The following MAS1 variants were observed in gnomAD, a reference collection of about 807,000 sequenced individuals.
MAS1 encodes the protein proto-oncogene Mas.
For missense variants in MAS1, 387 were observed against 409.7 expected (o/e 0.94, Z 0.48); for synonymous variants, 163 against 164.2 (o/e 0.99, Z 0.05).
intron 1 of MAS1, among the ~76,000 whole-genome samples, chr6:159,895,667 G>A (rs1397175469): frequency 6.6e-6 from 1 of 151,932 alleles, no homozygotes; most frequent in African/African-American, 2.4e-5. Context: ...ATTAAAACAA[G>A]GTATCTTTTA....
intron 2 of MAS1, among the ~76,000 whole-genome samples, chr6:159,899,624 A>C (rs1782799502): frequency 1.3e-5 from 2 of 152,346 alleles, no homozygotes; most frequent in South Asian, 2.1e-4. Flanking sequence ...CTGTAGTCCC[A>C]GCTACTCAGG....
At chr6:159,893,081 C>A (rs898712144) in intron 1 of MAS1, among the ~76,000 whole-genome samples, 1 of 152,220 alleles carries the variant, frequency 6.6e-6, no homozygotes, top group African/African-American at 2.4e-5. Flanking sequence ...CCCCTCTTCT[C>A]AAAAGTCTCT....
At chr6:159,894,166 C>A (rs993961584) in intron 1 of MAS1, among the ~76,000 whole-genome samples, 1 of 152,060 alleles carries the variant, frequency 6.6e-6, no homozygotes, top group African/African-American at 2.4e-5. Context: ...TGAACAAGAC[C>A]ACCCAAGGAG....
chr6:159,910,504 C>T lies in MAS1; in HGVS notation c.*2571C>T, dbSNP rs1782953312. ...CCTCAGCACTCATCATGCCATATAT[C>T]GATTTGCTTATTTGCTCGTTCTCTG... On this transcript the variant is annotated 3_prime_UTR_variant, in exon 3 of 3. Transcript: ENST00000674077. The T allele has an allele frequency of 1.3e-5, 2 of 152,268 alleles. No homozygotes were observed. The highest frequency in any genetic ancestry group is 4.8e-5 in the African/African-American group (2 of 41,454). The allele number at this position is 152,268 out of a possible 1,614,324, so 9.4% of individuals were successfully genotyped here. A position where few individuals can be genotyped will look rare whatever the true frequency, so the allele number is the denominator to read the frequency against.
In MAS1 at chr6:159,907,726, C is replaced by A. The variant is rs1180416454; in HGVS notation, c.771C>A (p.Thr257=). ...LYLLYYEYWS[T]FGNLHHISLL... The stretch of plus-strand genomic sequence containing the variant: ...TGCTGTACTATGAGTATTGGTCGAC[C>A]TTTGGGAACCTACACCACATTTCCC... Residue 257 remains threonine (T), a synonymous_variant, in exon 3 of 3, where the codon ACC becomes ACA. Coordinates refer to ENST00000674077, the MANE Select transcript of MAS1 (RefSeq NM_002377.4). 11 of 1,613,472 alleles carry A rather than the reference C, an allele frequency of 6.8e-6. No individual in the cohort carries two copies. The highest frequency in any genetic ancestry group is 9.3e-6 in the Non-Finnish European group (11 of 1,179,928).
upstream of MAS1, among the ~76,000 whole-genome samples, chr6:159,890,249 C>A (rs887466154): frequency 6.6e-6 from 1 of 152,042 alleles, no homozygotes; most frequent in African/African-American, 2.4e-5. Context: ...CCTAACCAAA[C>A]AACAACAACA....
At chr6:159,893,438 G>C (rs760704837) in intron 1 of MAS1, among the ~76,000 whole-genome samples, 2 of 152,184 alleles carry the variant, frequency 1.3e-5, no homozygotes, top group Non-Finnish European at 2.9e-5. Context: ...GCCCAACAAA[G>C]TGAGGAGGGC....
Position 159,908,029 on chromosome 6 carries a change from A to C in MAS1, c.*96A>C. 7.4e-7 allele frequency: 1 copy of C among 1,356,274 alleles called. No homozygotes were observed. Among genetic ancestry groups the C allele is most frequent in the Non-Finnish European group, 1.0e-6 (1 of 998,126 alleles). 84.0% of individuals were successfully genotyped at this position (1,356,274 alleles called of 1,614,324 possible). A position where few individuals can be genotyped will look rare whatever the true frequency, so the allele number is the denominator to read the frequency against. On this transcript the variant is annotated 3_prime_UTR_variant, in exon 3 of 3. Coordinates refer to ENST00000674077, the MANE Select transcript of MAS1 (RefSeq NM_002377.4). ...CTTAAGTATCTCCTAAATGTGATAC[A>C]GAAGAACATCTCATCCCATATGCAT...
At chr6:159,906,102 T>C (rs151149709) in intron 2 of MAS1, among the ~76,000 whole-genome samples, 4,401 of 152,204 alleles carry the variant, frequency 0.029, 169 homozygotes, top group Admixed American at 0.12. Flanking sequence ...CAAAGAACAA[T>C]GTTTTACTAC....
chr6:159,893,118 C>T (rs1345402908), intron 1 of MAS1, among the ~76,000 whole-genome samples: 1 of 152,252 alleles, frequency 6.6e-6, no homozygotes, highest in Non-Finnish European at 1.5e-5. Context: ...ATACTGCCCA[C>T]AATTCTTTGA....
In MAS1 at chr6:159,904,917, T is replaced by C. The variant is rs182255883; in HGVS notation, c.-36-2003T>C. ...CTGTTTCTTTTGCCTGGAATACTTT[T>C]CCCCCAAGAACCTGCTGGCCTCGGT... is the stretch of plus-strand genomic sequence containing the variant. On this transcript the variant is annotated intron_variant, in intron 2 of 2. Coordinates refer to ENST00000674077, the MANE Select transcript of MAS1 (RefSeq NM_002377.4). 8.8e-3 allele frequency among the ~76,000 whole-genome samples: 1,335 copies of C among 152,252 alleles called. 15 individuals carry two copies. The highest frequency in any genetic ancestry group is 0.011 in the South Asian group (54 of 4,828).
Position 159,907,299 on chromosome 6 carries a change from G to A in MAS1, c.344G>A (p.Gly115Asp), listed in dbSNP as rs149942969. Reference sequence around the variant, plus strand: ...ACATTATCAGTGACTTTTCTGTTTGGCTACAACACGGGCCTCTATCTGCTG... The same window carrying A: ...ACATTATCAGTGACTTTTCTGTTTGACTACAACACGGGCCTCTATCTGCTG... ...IVTLSVTFLFGYNTGLYLLTA... is the reference protein window; with the variant it reads ...IVTLSVTFLFDYNTGLYLLTA... Residue 115 changes from glycine (G) to aspartate (D), a missense_variant, in exon 3 of 3, where the codon GGC (glycine) becomes GAC (aspartate). Coordinates refer to ENST00000674077, the MANE Select transcript of MAS1 (RefSeq NM_002377.4). 7.9e-5 allele frequency: 127 copies of A among 1,614,098 alleles called. No individual in the cohort carries two copies. The highest frequency in any genetic ancestry group is 5.6e-4 in the South Asian group (51 of 91,072).
At chr6:159,893,256 G>A (rs1239802865) in intron 1 of MAS1, among the ~76,000 whole-genome samples, 1 of 152,258 alleles carries the variant, frequency 6.6e-6, no homozygotes, top group Non-Finnish European at 1.5e-5. Context: ...GCCACGCCGG[G>A]GTGAGGGCAG....
At chr6:159,895,965 T>A (rs1217544085) in intron 1 of MAS1, among the ~76,000 whole-genome samples, 1 of 152,204 alleles carries the variant, frequency 6.6e-6, no homozygotes, top group Non-Finnish European at 1.5e-5. Context: ...AAAATAGCGG[T>A]GAAAAATCAG....
chr6:159,907,005 T>C lies in MAS1; in HGVS notation c.50T>C (p.Ile17Thr), dbSNP rs1782895107. 1.2e-6 allele frequency: 2 copies of C among 1,612,602 alleles called. No individual in the cohort carries two copies. The highest frequency in any genetic ancestry group is 1.7e-6 in the Non-Finnish European group (2 of 1,178,706). Residue 17 changes from isoleucine to threonine, a missense_variant, in exon 3 of 3, where the codon ATC (isoleucine) becomes ACC (threonine). Coordinates refer to ENST00000674077, the MANE Select transcript of MAS1 (RefSeq NM_002377.4). ...TSFVVEEPTN[I>T]STGRNASVGN... Reference sequence around the variant, plus strand: ...TTTGTTGTTGAGGAACCCACGAACATCTCAACTGGCAGGAACGCCTCAGTC... The same window carrying C: ...TTTGTTGTTGAGGAACCCACGAACACCTCAACTGGCAGGAACGCCTCAGTC...
At chr6:159,906,611 G>T in intron 2 of MAS1, 1 of 208,704 alleles carries the variant, frequency 4.8e-6, no homozygotes, top group East Asian at 1.2e-4. Context: ...CAGGGCACTC[G>T]GCCACTCTTG....
intron 2 of MAS1, among the ~76,000 whole-genome samples, chr6:159,906,153 T>A (rs139812139): frequency 2.5e-3 from 381 of 151,934 alleles, no homozygotes; most frequent in Non-Finnish European, 4.4e-3. Flanking sequence ...GAAAAAAAAA[T>A]TTTTTTGAGT....
Position 159,907,521 on chromosome 6 carries a change from T to C in MAS1, c.566T>C (p.Ile189Thr), listed in dbSNP as rs1196903471. ...HSRNDCRAVI[I>T]FIAILSFLVF... ...CGGAATGACTGCCGAGCAGTCATCATCTTTATAGCCATCCTGAGCTTCCTG... is the reference window on the plus strand; with the variant it reads ...CGGAATGACTGCCGAGCAGTCATCACCTTTATAGCCATCCTGAGCTTCCTG... Residue 189 changes from isoleucine to threonine, a missense_variant, in exon 3 of 3, where the codon ATC (isoleucine) becomes ACC (threonine). Physicochemically the swap from Ile to Thr is moderately conservative, Grantham distance 89. Coordinates refer to ENST00000674077, the MANE Select transcript of MAS1 (RefSeq NM_002377.4). 1.2e-6 allele frequency: 2 copies of C among 1,613,906 alleles called. No individual in the cohort carries two copies. Among genetic ancestry groups the C allele is most frequent in the East Asian group, 2.2e-5 (1 of 44,852 alleles).
rs546261223 is a variant in MAS1 at position 159,907,605 on chromosome 6, A to G, written c.650A>G (p.Asn217Ser). ...STILVVKIRK[N>S]TWASHSSKLY... ...ATCTTGGTCGTGAAGATCCGGAAGAACACGTGGGCTTCCCATTCCTCCAAG... is the reference window on the plus strand; with the variant it reads ...ATCTTGGTCGTGAAGATCCGGAAGAGCACGTGGGCTTCCCATTCCTCCAAG... The change falls in exon 3 of 3, where the codon AAC becomes AGC. Residue 217 changes from asparagine to serine, a missense_variant. Asn to Ser is a conservative substitution (Grantham distance 46). Transcript: ENST00000674077. 2 of 1,613,650 alleles carry G rather than the reference A, an allele frequency of 1.2e-6. No individual in the cohort carries two copies. The highest frequency in any genetic ancestry group is 2.7e-5 in the African/African-American group (2 of 74,876).
Sources: allele counts gnomAD v4.1 joint callset (sites outside exome capture counted in the v4.1 genomes callset), GRCh38; gene constraint gnomAD v4.1.1; transcripts MANE v1.5; gene names NCBI Gene and HGNC (gene_info 2026-07-23, HGNC 2026-07-21).